Variants in SLC31A2 observed in about 807,000 individuals in gnomAD.
SLC31A2 encodes the protein solute carrier family 31 member 2.
Under a neutral mutation model 14.4 loss-of-function variants are expected in SLC31A2, and 16 were observed. That is an observed-to-expected ratio of 1.11 (90% CI 0.75 to 1.69). The LOEUF (loss-of-function observed/expected upper bound fraction) is 1.69, where lower values mean the gene tolerates loss of function less well. SLC31A2 is among the 40% of genes most tolerant of loss of function. SLC31A2 has a pLI of 0.00. For missense variants in SLC31A2, 140 were observed against 173.9 expected, an observed-to-expected ratio of 0.81 and a Z score of 1.10; for synonymous variants, 56 against 68.7, an observed-to-expected ratio of 0.82 and a Z score of 0.91.
Position 113,163,175 on chromosome 9 carries a change from A to AGAT in SLC31A2, c.*259_*261dup. On this transcript the variant is annotated 3_prime_UTR_variant, in exon 4 of 4. Transcript: ENST00000259392. ...GCTGCTGTGACCAAAGGGAGAATGG[A>AGAT]GATAACAGGGGTGGCAGGGTTACTG... 1 of 309,292 alleles carries AGAT rather than the reference A, an allele frequency of 3.2e-6. No homozygotes were observed. The highest frequency in any genetic ancestry group is 5.9e-6 in the Non-Finnish European group (1 of 168,808). 19.2% of individuals were successfully genotyped at this position (309,292 alleles called of 1,614,324 possible).
Position 113,157,736 on chromosome 9 carries a change from A to G in SLC31A2, c.16A>G (p.Ile6Val), listed in dbSNP as rs2118830511. ...TTCCTTTCTCTTTCAGATGCATTTC[A>G]TCTTCTCAGATACAGCGGTGCTTCT... MAMHF[I>V]FSDTAVLLFD... The change falls in exon 2 of 4, where the codon ATC (isoleucine) becomes GTC (valine). Residue 6 changes from isoleucine to valine, a missense_variant. Ile to Val is a conservative substitution (Grantham distance 29). Transcript: ENST00000259392. 1.2e-6 allele frequency: 2 copies of G among 1,612,516 alleles called. No homozygotes were observed. The highest frequency in any genetic ancestry group is 2.2e-5 in the East Asian group (1 of 44,848).
chr9:113,158,194 C>A, intron 2 of SLC31A2: 1 of 397,184 alleles, frequency 2.5e-6, no homozygotes. Flanking sequence ...GTTCAGAAGC[C>A]CACAGCAGCT....
chr9:113,161,749 G>A lies in SLC31A2; in HGVS notation c.263+51G>A, dbSNP rs1564139085. 6 of 1,590,022 alleles carry A rather than the reference G, an allele frequency of 3.8e-6. No individual in the cohort carries two copies. The Admixed American group carries it at 6.7e-5, about 18-fold the overall frequency. ...GGCAGAAGCCTCACATTCACCCTGA[G>A]AGACAGGCTGGCCCAGACAGCATTA... On this transcript the variant is annotated intron_variant, in intron 3 of 3. Coordinates refer to ENST00000259392, the MANE Select transcript of SLC31A2 (RefSeq NM_001860.3).
intron 2 of SLC31A2, among the ~76,000 whole-genome samples, chr9:113,160,426 T>C (rs769689445): frequency 2.8e-4 from 42 of 152,194 alleles, no homozygotes; most frequent in Non-Finnish European, 5.3e-4. Context: ...GATACCTATA[T>C]ACAATATGTA....
chr9:113,162,507 C>A (rs569802413), intron 3 of SLC31A2: 8 of 364,812 alleles, frequency 2.2e-5, no homozygotes, highest in Non-Finnish European at 3.8e-5. Context: ...TCCCCTTTGC[C>A]TAGGATGCCA....
In SLC31A2 at chr9:113,161,667, G is replaced by T. The variant is rs779718242; in HGVS notation, c.232G>T (p.Asp78Tyr). 3.7e-6 allele frequency: 6 copies of T among 1,613,894 alleles called. No individual in the cohort carries two copies. The South Asian group carries it at 5.5e-5, about 15-fold the overall frequency. The change falls in exon 3 of 4, where the codon GAT becomes TAT. Residue 78 changes from aspartate (D) to tyrosine (Y), a missense_variant. Asp to Tyr is a radical substitution (Grantham distance 160). Transcript: ENST00000259392. Reference protein sequence around the residue: ...AETDGDSAGSDSFPVGRTHHR... With the variant: ...AETDGDSAGSYSFPVGRTHHR... ...GACAGACGGGGACTCTGCAGGCTCA[G>T]ATTCATTCCCTGTTGGCAGAACCCA... is the stretch of plus-strand genomic sequence containing the variant.
At chr9:113,159,293 G>T (rs776590855) in intron 2 of SLC31A2, among the ~76,000 whole-genome samples, 1 of 152,100 alleles carries the variant, frequency 6.6e-6, no homozygotes, top group Non-Finnish European at 1.5e-5. Context: ...ACAATGCCCA[G>T]CTAATTTTTC....
intron 2 of SLC31A2, chr9:113,157,996 C>A (rs1250230308): frequency 3.0e-6 from 2 of 664,550 alleles, no homozygotes; most frequent in East Asian, 6.2e-5. Flanking sequence ...TCTTACTGAT[C>A]CTCACAAAGG....
rs1444445046 is a variant in SLC31A2 at position 113,164,024 on chromosome 9, A to T, written c.*1107A>T. 1 of 152,666 alleles carries T rather than the reference A, an allele frequency of 6.6e-6. No individual in the cohort carries two copies. Among genetic ancestry groups the T allele is most frequent in the Non-Finnish European group, 1.5e-5 (1 of 68,050 alleles). 9.5% of individuals were successfully genotyped at this position (152,666 alleles called of 1,614,324 possible). On this transcript the variant is annotated 3_prime_UTR_variant, in exon 4 of 4. Transcript: ENST00000259392. ...CTCTTCACTTTATAAAAAAGGAAAGAGAGAAAATCACTGCTGTATACTAAA... is the reference window on the plus strand; with the variant it reads ...CTCTTCACTTTATAAAAAAGGAAAGTGAGAAAATCACTGCTGTATACTAAA...
intron 3 of SLC31A2, chr9:113,162,227 G>C (rs1830025192): frequency 3.7e-6 from 1 of 267,258 alleles, no homozygotes; most frequent in Non-Finnish European, 7.3e-6. Flanking sequence ...ACCCTACATG[G>C]GTGTCTCAGA....
chr9:113,157,875 C>A, intron 2 of SLC31A2, 82 bp downstream of exon 2: 1 of 1,056,592 alleles, frequency 9.5e-7, no homozygotes, highest in Non-Finnish European at 1.4e-6. Flanking sequence ...TCTTGATTCT[C>A]TGTGGGCATT....
In SLC31A2 at chr9:113,163,416, C is replaced by T. The variant is rs1325689921; in HGVS notation, c.*499C>T. The T allele has an allele frequency of 6.5e-6, 1 of 152,798 alleles. No individual in the cohort carries two copies. Among genetic ancestry groups the T allele is most frequent in the East Asian group, 1.9e-4 (1 of 5,204 alleles). The allele number at this position is 152,798 out of a possible 1,614,324, so 9.5% of individuals were successfully genotyped here. ...CTAGATCCTTTTTCTCACCTTTCTG[C>T]CTTTGGAACACATGAAGATCATCTC... On this transcript the variant is annotated 3_prime_UTR_variant, in exon 4 of 4. Transcript: ENST00000259392.
Position 113,163,005 on chromosome 9 carries a change from T to G in SLC31A2, c.*88T>G. The G allele has an allele frequency of 8.2e-7, 1 of 1,225,056 alleles. No homozygotes were observed. The highest frequency in any genetic ancestry group is 1.1e-6 in the Non-Finnish European group (1 of 905,996). 75.9% of individuals were successfully genotyped at this position (1,225,056 alleles called of 1,614,324 possible). A position where few individuals can be genotyped will look rare whatever the true frequency, so the allele number is the denominator to read the frequency against. On this transcript the variant is annotated 3_prime_UTR_variant, in exon 4 of 4. Transcript: ENST00000259392. Reference sequence around the variant, plus strand: ...TACTTCCAACTGCCCTTTCTTCTGATGGCTATTCCTCCACCTTATTCCCAG... The same window carrying G: ...TACTTCCAACTGCCCTTTCTTCTGAGGGCTATTCCTCCACCTTATTCCCAG...
rs138621751 is a variant in SLC31A2 at position 113,162,678 on chromosome 9, C to T, written c.264-71C>T. The T allele has an allele frequency of 3.0e-4, 421 of 1,419,040 alleles. 5 individuals carry two copies. The African/African-American group carries it at 5.5e-3, about 19-fold the overall frequency. The allele number at this position is 1,419,040 out of a possible 1,614,324, so 87.9% of individuals were successfully genotyped here. Reference sequence around the variant, plus strand: ...ACGTAACTCAACAGCTTTCTACTCCCTGATATCTACTCCCAGCTTCCTCAT... The same window carrying T: ...ACGTAACTCAACAGCTTTCTACTCCTTGATATCTACTCCCAGCTTCCTCAT... On this transcript the variant is annotated intron_variant, in intron 3 of 3. Coordinates refer to ENST00000259392, the MANE Select transcript of SLC31A2 (RefSeq NM_001860.3).
At chr9:113,156,527 G>A (rs1587940055) in intron 1 of SLC31A2, among the ~76,000 whole-genome samples, 1 of 152,354 alleles carries the variant, frequency 6.6e-6, no homozygotes, top group East Asian at 1.9e-4. Flanking sequence ...TACCTCTAGT[G>A]CTGAGATTCA....
intron 2 of SLC31A2, among the ~76,000 whole-genome samples, chr9:113,159,092 G>A (rs1342967271): frequency 6.6e-6 from 1 of 152,134 alleles, no homozygotes; most frequent in Admixed American, 6.5e-5. Flanking sequence ...GTTGCTCTGG[G>A]GAGGAGAATT....
chr9:113,155,765 T>G (rs1462351276), intron 1 of SLC31A2, among the ~76,000 whole-genome samples: 1 of 106,210 alleles, frequency 9.4e-6, no homozygotes, highest in Non-Finnish European at 2.0e-5. Context: ...CCCCTCCAGC[T>G]TTGACATGTA....
Position 113,161,639 on chromosome 9 carries a change from A to G in SLC31A2, c.204A>G (p.Ala68=), listed in dbSNP as rs1830013975. The G allele has an allele frequency of 1.2e-6, 2 of 1,613,916 alleles. No individual in the cohort carries two copies. The highest frequency in any genetic ancestry group is 2.7e-5 in the African/African-American group (2 of 74,934). ...CCTCCATCAGCCAGCAGACCATCGC[A>G]GAGACAGACGGGGACTCTGCAGGCT... ...LPTSISQQTI[A]ETDGDSAGSD... Residue 68 remains alanine, a synonymous_variant, in exon 3 of 4, where the codon GCA becomes GCG. Transcript: ENST00000259392.
chr9:113,160,895 T>C (rs1830002419), intron 2 of SLC31A2: 1 of 152,276 alleles, frequency 6.6e-6, no homozygotes, highest in Admixed American at 6.5e-5. Context: ...TCTCTTATTA[T>C]GTCGCAGAGT....
Sources: allele counts gnomAD v4.1 joint callset (sites outside exome capture counted in the v4.1 genomes callset), GRCh38; gene constraint gnomAD v4.1.1; transcripts MANE v1.5; gene names NCBI Gene and HGNC (gene_info 2026-07-23, HGNC 2026-07-21).